The following BUB1B variants were observed in gnomAD, a reference collection of about 807,000 sequenced individuals.
The protein encoded by BUB1B is BUB1 mitotic checkpoint serine/threonine kinase B, also known as mitotic checkpoint serine/threonine-protein kinase BUB1 beta.
BUB1B carries 86 observed loss-of-function variants against 137.7 expected under a neutral mutation model. The observed-to-expected ratio is 0.62, with a 90% CI of 0.52 to 0.75. The LOEUF is 0.75. Ranked by LOEUF, BUB1B falls within the 30% of genes least tolerant of loss-of-function variation. The probability of loss-of-function intolerance (pLI) is 0.00; values close to 1 mark genes in which losing one functional copy is unlikely to be tolerated. For missense variants in BUB1B, 1,130 were observed against 1,236.9 expected, an observed-to-expected ratio of 0.91 and a Z score of 1.30; for synonymous variants, 420 against 417.9, an observed-to-expected ratio of 1.00 and a Z score of -0.06.
At chr15:40,200,446 G>A (rs2037553040) in intron 11 of BUB1B, 87 bp downstream of exon 11, 2 of 931,086 alleles carry the variant, frequency 2.1e-6, no homozygotes, top group Middle Eastern at 2.1e-4. Flanking sequence ...AAGTCTCCTT[G>A]ACGTTTACAG....
intron 4 of BUB1B, among the ~76,000 whole-genome samples, chr15:40,171,052 C>G (rs1488923159): frequency 6.6e-6 from 1 of 152,090 alleles, no homozygotes; most frequent in Non-Finnish European, 1.5e-5. Flanking sequence ...CCTCTCGCCT[C>G]AGCCTCGTGA....
Position 40,161,163 on chromosome 15 carries a change from G to C in BUB1B, c.-58G>C. ...CAGGTTGCGGAAGAAAGCCCAGGCG[G>C]TCTGTGGCCCAGAGGAAAGGCCTGC... On this transcript the variant is annotated 5_prime_UTR_variant, in exon 1 of 23. Transcript: ENST00000287598. 2 of 1,602,418 alleles carry C rather than the reference G, an allele frequency of 1.2e-6. No homozygotes were observed. Among genetic ancestry groups the C allele is most frequent in the Non-Finnish European group, 1.7e-6 (2 of 1,173,952 alleles).
chr15:40,216,854 T>C (rs1242340066), intron 20 of BUB1B, among the ~76,000 whole-genome samples: 3 of 151,944 alleles, frequency 2.0e-5, no homozygotes, highest in African/African-American at 7.2e-5. Context: ...AGAATAGCAT[T>C]ATTGCATAGG....
At chr15:40,204,985 C>T (rs1210323281) in intron 14 of BUB1B, among the ~76,000 whole-genome samples, 3 of 141,632 alleles carry the variant, frequency 2.1e-5, no homozygotes, top group Non-Finnish European at 3.0e-5. Context: ...TTCACTCTTG[C>T]ACTCAGGCTG....
chr15:40,196,399 A>T (rs2037498336), intron 8 of BUB1B, 146 bp from the exon 9 acceptor site: 9 of 696,254 alleles, frequency 1.3e-5, no homozygotes, highest in Admixed American at 1.3e-4. Flanking sequence ...CTTACAGCAT[A>T]GTTTGAAGTC....
At chr15:40,170,775 C>A in intron 4 of BUB1B, 94 bp downstream of exon 4, 2 of 1,202,730 alleles carry the variant, frequency 1.7e-6, no homozygotes, top group Non-Finnish European at 2.4e-6. Context: ...AGTAAAACAG[C>A]CATTTTGAAC....
chr15:40,218,589 C>G (rs1456755696), intron 22 of BUB1B, 27 bp downstream of exon 22: 2 of 1,508,688 alleles, frequency 1.3e-6, no homozygotes, highest in African/African-American at 2.8e-5. Context: ...GTCAGGGTCT[C>G]TGCCTGTCCC....
rs1465603396 is a variant in BUB1B, at chr15:40,217,685, C to T, written c.2850+18C>T. ...CCTACCAGGTAAGTGTAAAACAAGC[C>T]TGAGCAAATATGGAGAGGGTTTCTT... is the stretch of plus-strand genomic sequence containing the variant. On this transcript the variant is annotated intron_variant, in intron 21 of 22. Coordinates refer to ENST00000287598, the MANE Select transcript of BUB1B (RefSeq NM_001211.6). 2.5e-6 allele frequency: 4 copies of T among 1,613,990 alleles called. No homozygotes were observed. In the East Asian group the frequency reaches 8.9e-5, roughly 36 times the overall value.
intron 6 of BUB1B, 101 bp downstream of exon 6, chr15:40,183,984 C>T (rs1400089213): frequency 1.6e-6 from 2 of 1,276,500 alleles, no homozygotes; most frequent in East Asian, 2.5e-5. Flanking sequence ...TTCTAGTTTG[C>T]TGAATACTGA....
chr15:40,204,264 C>A (rs1422386878), intron 14 of BUB1B, among the ~76,000 whole-genome samples: 2 of 152,066 alleles, frequency 1.3e-5, no homozygotes, highest in African/African-American at 4.8e-5. Context: ...AATTCTGCTA[C>A]AGTTAGTCTA....
intron 8 of BUB1B, among the ~76,000 whole-genome samples, chr15:40,190,797 T>C (rs986354609): frequency 2.0e-5 from 3 of 152,200 alleles, no homozygotes; most frequent in Non-Finnish European, 2.9e-5. Flanking sequence ...GTGACTAATA[T>C]GTGGATGCTG....
chr15:40,176,344 C>G, intron 4 of BUB1B, 133 bp from the exon 5 acceptor site: 1 of 862,522 alleles, frequency 1.2e-6, no homozygotes, highest in African/African-American at 1.7e-5. Flanking sequence ...CAGTATGGTC[C>G]TTATCACATT....
chr15:40,183,666 G>A (rs1459476237), intron 5 of BUB1B, 48 bp from the exon 6 acceptor site: 1 of 1,590,340 alleles, frequency 6.3e-7, no homozygotes, highest in Non-Finnish European at 8.6e-7. Flanking sequence ...TTTGAGTCTG[G>A]TAAAATAGTG....
intron 8 of BUB1B, among the ~76,000 whole-genome samples, chr15:40,194,629 T>C (rs2037476555): frequency 6.6e-6 from 1 of 152,218 alleles, no homozygotes; most frequent in Admixed American, 6.5e-5. Flanking sequence ...GTATATAAGT[T>C]ATTCTGATCC....
chr15:40,216,564 TATATATA>T (rs1425135635), intron 20 of BUB1B, among the ~76,000 whole-genome samples: 8 of 79,110 alleles, frequency 1.0e-4, no homozygotes, highest in East Asian at 6.2e-4. Context: ...TATATATATA[TATATATA>T]TTTTTTTTTT....
chr15:40,191,510 T>C (rs1349337941), intron 8 of BUB1B, among the ~76,000 whole-genome samples: 1 of 152,266 alleles, frequency 6.6e-6, no homozygotes, highest in Non-Finnish European at 1.5e-5. Context: ...ATTTTGTCCC[T>C]GAGCTTTCAC....
chr15:40,200,692 C>T lies in BUB1B; in HGVS notation c.1518-239C>T, dbSNP rs142472855. Among the ~76,000 whole-genome samples the T allele has an allele frequency of 2.0e-4, 31 of 152,264 alleles. No homozygotes were observed. In the East Asian group the frequency reaches 5.6e-3, roughly 27 times the overall value. ...TTGTTTTGTTTTATAAAAATGGCAGCTTACCATTTTGTAATCTGCTTATAC... is the reference window on the plus strand; with the variant it reads ...TTGTTTTGTTTTATAAAAATGGCAGTTTACCATTTTGTAATCTGCTTATAC... On this transcript the variant is annotated intron_variant, in intron 11 of 22. Coordinates refer to ENST00000287598, the MANE Select transcript of BUB1B (RefSeq NM_001211.6).
At chr15:40,174,047 A>G in intron 4 of BUB1B, 3 of 386,770 alleles carry the variant, frequency 7.8e-6, no homozygotes, top group Middle Eastern at 6.5e-4. Flanking sequence ...TTTTAGATCT[A>G]TTAATCTAAC....
intron 22 of BUB1B, 63 bp downstream of exon 22, chr15:40,218,625 C>A: frequency 1.6e-6 from 2 of 1,233,564 alleles, no homozygotes; most frequent in South Asian, 1.2e-5. Flanking sequence ...CTCTTGGGTG[C>A]TATCTCTGCT....
Sources: gnomAD v4.1 joint callset for allele counts (sites outside exome capture counted in the v4.1 genomes callset) on GRCh38, gnomAD v4.1.1 for gene constraint, MANE v1.5 for transcripts, NCBI Gene and HGNC (gene_info 2026-07-23, HGNC 2026-07-21) for gene names.